KANK1: variants seen among roughly 807,000 people sequenced by gnomAD.
The protein encoded by KANK1 is KN motif and ankyrin repeat domains 1.
In KANK1, 109 loss-of-function variants were observed where a neutral mutation model predicts 106.2. That is an observed-to-expected ratio of 1.03 (90% CI 0.88 to 1.20). KANK1 has a LOEUF of 1.20. Ranked by LOEUF, KANK1 falls within the 50% of genes most tolerant of loss-of-function variation. The pLI is 0.00. For synonymous variants in KANK1, 873 were observed against 652.2 expected, an observed-to-expected ratio of 1.34 and a Z score of -5.16; for missense variants, 2,399 against 1,710.7, an observed-to-expected ratio of 1.40 and a Z score of -7.10.
chr9:730,378 C>T (rs924020518), intron 4 of KANK1, 130 bp downstream of exon 4: 1 of 967,006 alleles, frequency 1.0e-6, no homozygotes, highest in South Asian at 1.6e-5. Flanking sequence ...GGAAGGTAGG[C>T]CCAGAATATC....
At chr9:603,398 T>C (rs973577346) in intron 1 of KANK1, among the ~76,000 whole-genome samples, 2 of 151,846 alleles carry the variant, frequency 1.3e-5, no homozygotes, top group Non-Finnish European at 2.9e-5. Flanking sequence ...AATCATAGTA[T>C]GATAACTCAG....
At chr9:489,565 TCAGA>T (rs1395287072) in intron 3 of KANK1, among the ~76,000 whole-genome samples, 2 of 152,156 alleles carry the variant, frequency 1.3e-5, no homozygotes, top group African/African-American at 4.8e-5. Flanking sequence ...GATTTGAAAA[TCAGA>T]CAGAGATAGT....
At chr9:649,731 G>T (rs1313498630) in intron 1 of KANK1, among the ~76,000 whole-genome samples, 1 of 152,136 alleles carries the variant, frequency 6.6e-6, no homozygotes, top group Non-Finnish European at 1.5e-5. Flanking sequence ...TTCACTGTGA[G>T]CTATGTGTTA....
At chr9:647,441 C>G (rs1296864985) in intron 1 of KANK1, among the ~76,000 whole-genome samples, 8 of 150,974 alleles carry the variant, frequency 5.3e-5, no homozygotes, top group African/African-American at 2.0e-4. Flanking sequence ...CTTCATATCT[C>G]TTTGGTCTCT....
chr9:698,675 T>C (rs776868517), intron 2 of KANK1, among the ~76,000 whole-genome samples: 1 of 152,162 alleles, frequency 6.6e-6, no homozygotes, highest in Non-Finnish European at 1.5e-5. Context: ...AAAGTTCTCA[T>C]TGTGGAATAC....
intron 1 of KANK1, among the ~76,000 whole-genome samples, chr9:568,343 C>A (rs1454282321): frequency 2.0e-5 from 3 of 152,194 alleles, no homozygotes; most frequent in Admixed American, 6.5e-5. Context: ...CCTTAATCTT[C>A]ATAAACATGT....
intron 1 of KANK1, among the ~76,000 whole-genome samples, chr9:665,120 C>G (rs1050898403): frequency 3.3e-5 from 5 of 152,118 alleles, no homozygotes; most frequent in Non-Finnish European, 7.4e-5. Flanking sequence ...TGGGTTGTTT[C>G]TTCACCTTGT....
intron 1 of KANK1, among the ~76,000 whole-genome samples, chr9:607,080 C>G (rs1201385576): frequency 6.6e-6 from 1 of 151,796 alleles, no homozygotes; most frequent in Non-Finnish European, 1.5e-5. Flanking sequence ...GGGTCTTAGA[C>G]TAGTAATTAA....
chr9:658,852 C>T (rs1842705768), intron 1 of KANK1, among the ~76,000 whole-genome samples: 2 of 152,092 alleles, frequency 1.3e-5, no homozygotes. Context: ...TTTTTACCTT[C>T]CACCTTTCCC....
At chr9:658,181 A>T (rs1432707785) in intron 1 of KANK1, among the ~76,000 whole-genome samples, 3 of 152,196 alleles carry the variant, frequency 2.0e-5, no homozygotes, top group Non-Finnish European at 4.4e-5. Flanking sequence ...GATGATAAAC[A>T]AAGCCCAGAG....
At chr9:626,322 G>T (rs910572244) in intron 1 of KANK1, among the ~76,000 whole-genome samples, 4 of 151,996 alleles carry the variant, frequency 2.6e-5, no homozygotes, top group African/African-American at 9.7e-5. Context: ...AGGCGTGGTG[G>T]TACATGCCTG....
chr9:632,185 A>T (rs1835900454), intron 1 of KANK1, among the ~76,000 whole-genome samples: 1 of 152,200 alleles, frequency 6.6e-6, no homozygotes, highest in African/African-American at 2.4e-5. Flanking sequence ...TGAAGTCAGA[A>T]TTCATATTTT....
chr9:511,402 G>A (rs1477956466), intron 1 of KANK1, among the ~76,000 whole-genome samples: 1 of 152,164 alleles, frequency 6.6e-6, no homozygotes, highest in Non-Finnish European at 1.5e-5. Flanking sequence ...GTAGGCCCAG[G>A]CTGGCTACTT....
At chr9:568,841 C>A (rs1227339803) in intron 1 of KANK1, among the ~76,000 whole-genome samples, 1 of 152,136 alleles carries the variant, frequency 6.6e-6, no homozygotes, top group African/African-American at 2.4e-5. Context: ...AGCAAAATTA[C>A]AGGTCAGAAG....
intron 1 of KANK1, among the ~76,000 whole-genome samples, chr9:622,442 C>G (rs1833366165): frequency 1.3e-5 from 2 of 152,016 alleles, no homozygotes; most frequent in South Asian, 4.2e-4. Context: ...TAGTACGTAC[C>G]TGGAGGATTG....
chr9:667,118 C>G (rs888824656), intron 1 of KANK1, among the ~76,000 whole-genome samples: 1 of 151,070 alleles, frequency 6.6e-6, no homozygotes, highest in Non-Finnish European at 1.5e-5. Flanking sequence ...TAGCTTTGAT[C>G]TTATTACTTG....
At chr9:495,026 A>T (rs144341645) in intron 3 of KANK1, among the ~76,000 whole-genome samples, 67 of 152,364 alleles carry the variant, frequency 4.4e-4, no homozygotes, top group African/African-American at 1.5e-3. Flanking sequence ...AGTGCAAAGT[A>T]ACTAGGTGAA....
intron 1 of KANK1, among the ~76,000 whole-genome samples, chr9:663,888 A>G (rs746750600): frequency 1.3e-5 from 2 of 152,120 alleles, no homozygotes; most frequent in Non-Finnish European, 2.9e-5. Context: ...GTTTCTAGGA[A>G]GGTTGAACAC....
chr9:676,927 A>G lies in KANK1; in HGVS notation c.-46A>G, dbSNP rs1161670031. ...TGAGAACTTGATGCATAAAATTTGC[A>G]TGACTCCTCACTCCTTTCTGGATCT... On this transcript the variant is annotated 5_prime_UTR_variant, in exon 2 of 12. An upstream start codon of the reference 5' UTR is lost. Coordinates refer to ENST00000382297, the MANE Select transcript of KANK1 (RefSeq NM_015158.5). 4 of 1,563,178 alleles carry G rather than the reference A, an allele frequency of 2.6e-6. No individual in the cohort carries two copies. Among genetic ancestry groups the G allele is most frequent in the East Asian group, 4.5e-5 (2 of 44,334 alleles).
Sources: allele counts gnomAD v4.1 joint callset (sites outside exome capture counted in the v4.1 genomes callset), GRCh38; gene constraint gnomAD v4.1.1; transcripts MANE v1.5; gene names NCBI Gene and HGNC (gene_info 2026-07-23, HGNC 2026-07-21).